ATP8A1: variants seen among roughly 807,000 people sequenced by gnomAD.
The protein encoded by ATP8A1 is ATPase phospholipid transporting 8A1.
Under a neutral mutation model 177.7 loss-of-function variants are expected in ATP8A1, and 90 were observed. The observed-to-expected ratio is 0.51, with a 90% CI of 0.43 to 0.60. The LOEUF is 0.60. Among genes scored for constraint, ATP8A1 ranks in the 20% least tolerant of loss-of-function variants. The pLI, the probability that ATP8A1 is intolerant of heterozygous loss-of-function variation, is 0.00. For synonymous variants in ATP8A1, 493 were observed against 485.9 expected, an observed-to-expected ratio of 1.01 and a Z score of -0.19; for missense variants, 1,072 against 1,392.8, an observed-to-expected ratio of 0.77 and a Z score of 3.67.
chr4:42,438,977 T>C (rs146109495), intron 33 of ATP8A1, among the ~76,000 whole-genome samples: 1 of 152,270 alleles, frequency 6.6e-6, no homozygotes, highest in African/African-American at 2.4e-5. Context: ...GGAGCAAGGA[T>C]TTTCTTTCAA....
chr4:42,524,714 T>C (rs372624556), intron 21 of ATP8A1, 49 bp downstream of exon 21: 1 of 1,214,328 alleles, frequency 8.2e-7, no homozygotes, highest in Non-Finnish European at 1.2e-6. Flanking sequence ...ATCAGAAGTA[T>C]ATGATTTCTT....
chr4:42,483,925 C>CATAACAGAT (rs1721947637), intron 25 of ATP8A1, among the ~76,000 whole-genome samples: 1 of 152,190 alleles, frequency 6.6e-6, no homozygotes, highest in Non-Finnish European at 1.5e-5. Context: ...AAAGTAGGCA[C>CATAACAGAT]ATAACAGATG....
Position 42,494,162 on chromosome 4 carries a change from C to CAAAAAA in ATP8A1, c.2152-8500_2152-8495dup, listed in dbSNP as rs397993131. On this transcript the variant is annotated intron_variant, in intron 24 of 36. Coordinates refer to ENST00000381668, the MANE Select transcript of ATP8A1 (RefSeq NM_006095.2). ...GTTGCAGTGAGCCAAGATCATGCCA[C>CAAAAAA]AAAAAAAAAAAAAAAAAAAAAAAAA... 1.3e-4 allele frequency among the ~76,000 whole-genome samples: 7 copies of CAAAAAA among 53,472 alleles called. 1 individual carries two copies. Among genetic ancestry groups the CAAAAAA allele is most frequent in the African/African-American group, 2.9e-4 (5 of 17,232 alleles). 35.1% of individuals were successfully genotyped at this position (53,472 alleles called of 152,430 possible).
chr4:42,446,640 A>C lies in ATP8A1; in HGVS notation c.2901T>G (p.Thr967=), dbSNP rs1717287141. 1 of 1,613,686 alleles carries C rather than the reference A, an allele frequency of 6.2e-7. No individual in the cohort carries two copies. Among genetic ancestry groups the C allele is most frequent in the African/African-American group, 1.3e-5 (1 of 75,054 alleles). The change falls in exon 31 of 37, where the codon ACT becomes ACG. Residue 967 remains threonine (T), a synonymous_variant. Transcript: ENST00000381668. ...WFPLKALQYG[T]AFGNGKTSDY... is the part of the protein sequence containing the mutation. ...CCGAGGTTTTCCCATTTCCAAATGCAGTACCTGTACGAAAAGGAGAGGCCT... is the reference window on the plus strand; with the variant it reads ...CCGAGGTTTTCCCATTTCCAAATGCCGTACCTGTACGAAAAGGAGAGGCCT...
chr4:42,555,345 C>A (rs902654078), intron 16 of ATP8A1, among the ~76,000 whole-genome samples: 5 of 151,598 alleles, frequency 3.3e-5, no homozygotes, highest in African/African-American at 1.2e-4. Context: ...TAAGTTATTT[C>A]GATAACTTAT....
At chr4:42,594,250 C>G (rs754782348) in intron 6 of ATP8A1, 3 of 1,209,302 alleles carry the variant, frequency 2.5e-6, no homozygotes, top group Non-Finnish European at 3.6e-6. Context: ...GTAGAGAAAC[C>G]ATCCTCTACA....
chr4:42,473,309 T>A (rs1720667043), intron 25 of ATP8A1, among the ~76,000 whole-genome samples: 1 of 152,062 alleles, frequency 6.6e-6, no homozygotes, highest in Admixed American at 6.6e-5. Context: ...GTCCCGGGAG[T>A]TAAATATTGA....
chr4:42,491,494 T>C (rs1353160746), intron 24 of ATP8A1, among the ~76,000 whole-genome samples: 2 of 152,112 alleles, frequency 1.3e-5, no homozygotes, highest in South Asian at 4.1e-4. Flanking sequence ...AAACCCTTGA[T>C]AAAAACCCTT....
intron 22 of ATP8A1, 109 bp downstream of exon 22, chr4:42,522,051 G>A: frequency 8.0e-7 from 1 of 1,246,660 alleles, no homozygotes; most frequent in Non-Finnish European, 1.1e-6. Context: ...ATTCAATAGT[G>A]AATGGTATGT....
chr4:42,500,410 C>CA (rs1430224892), intron 24 of ATP8A1, among the ~76,000 whole-genome samples: 1 of 137,938 alleles, frequency 7.2e-6, no homozygotes, highest in Non-Finnish European at 1.6e-5. Flanking sequence ...CAAAACAAAA[C>CA]AAAAACAGAA....
At chr4:42,468,184 C>T (rs748377853) in intron 25 of ATP8A1, among the ~76,000 whole-genome samples, 54 of 152,124 alleles carry the variant, frequency 3.5e-4, no homozygotes, top group Non-Finnish European at 5.9e-4. Context: ...CCTTAAAGAA[C>T]TAAAAGTAGA....
At chr4:42,594,347 T>C (rs375948565) in intron 6 of ATP8A1, 18 of 1,590,646 alleles carry the variant, frequency 1.1e-5, no homozygotes, top group South Asian at 6.6e-5. Flanking sequence ...ATTATAACTA[T>C]ATCTCCAACA....
At chr4:42,587,611 C>T (rs1431712039) in intron 8 of ATP8A1, among the ~76,000 whole-genome samples, 41 of 132,442 alleles carry the variant, frequency 3.1e-4, no homozygotes, top group African/African-American at 1.2e-3. Flanking sequence ...CCTTGTACAG[C>T]TTTTTTTTTT....
intron 27 of ATP8A1, among the ~76,000 whole-genome samples, chr4:42,463,845 C>T (rs879691012): frequency 6.6e-5 from 10 of 152,132 alleles, no homozygotes; most frequent in Non-Finnish European, 1.0e-4. Context: ...GAAACAAAAA[C>T]AGATCTGGAT....
intron 2 of ATP8A1, chr4:42,626,326 T>TGAGAGATTAAA (rs1738075754): frequency 6.6e-6 from 1 of 152,220 alleles, no homozygotes; most frequent in South Asian, 2.1e-4. Flanking sequence ...AGCAGACACA[T>TGAGAGATTAAA]GCCACATTAC....
chr4:42,494,058 G>A (rs186665805), intron 24 of ATP8A1, among the ~76,000 whole-genome samples: 4 of 148,684 alleles, frequency 2.7e-5, no homozygotes, highest in African/African-American at 4.9e-5. Context: ...AAAATTAGCC[G>A]GGTGTGGTGG....
rs1722010489 is a variant in ATP8A1 at position 42,484,558 on chromosome 4, A to G, written c.2324+938T>C. 2.6e-5 allele frequency among the ~76,000 whole-genome samples: 4 copies of G among 152,228 alleles called. No homozygotes were observed. The South Asian group carries it at 8.3e-4, about 31-fold the overall frequency. ...TAATTCATAAATAATACCATATACAAAATATTTAAGTGAATAAACCCAGAC... is the reference window on the plus strand; with the variant it reads ...TAATTCATAAATAATACCATATACAGAATATTTAAGTGAATAAACCCAGAC... On this transcript the variant is annotated intron_variant, in intron 25 of 36. Coordinates refer to ENST00000381668, the MANE Select transcript of ATP8A1 (RefSeq NM_006095.2).
intron 4 of ATP8A1, among the ~76,000 whole-genome samples, chr4:42,623,907 G>A (rs1737770502): frequency 1.3e-5 from 2 of 151,800 alleles, no homozygotes; most frequent in Admixed American, 1.3e-4. Flanking sequence ...TAAAAGAACA[G>A]GAAAAAAACC....
intron 20 of ATP8A1, among the ~76,000 whole-genome samples, chr4:42,542,704 G>C (rs1451115133): frequency 6.6e-6 from 1 of 152,054 alleles, no homozygotes; most frequent in African/African-American, 2.4e-5. Flanking sequence ...TTCTGATCTT[G>C]TGATAGTTTG....
Sources: allele counts gnomAD v4.1 joint callset (sites outside exome capture counted in the v4.1 genomes callset), GRCh38; gene constraint gnomAD v4.1.1; transcripts MANE v1.5; gene names NCBI Gene and HGNC (gene_info 2026-07-23, HGNC 2026-07-21).